SATB2: variants seen among roughly 807,000 people sequenced by gnomAD.
The protein encoded by SATB2 is DNA-binding protein SATB2.
Under a neutral mutation model 73.4 loss-of-function variants are expected in SATB2, and 1 was observed. That is an observed-to-expected ratio of 0.01 (90% CI 0.00 to 0.06). The LOEUF (loss-of-function observed/expected upper bound fraction) is 0.06. SATB2 is among the 10% of genes least tolerant of loss of function. The probability of loss-of-function intolerance (pLI) is 1.00; values close to 1 mark genes in which losing one functional copy is unlikely to be tolerated. For missense variants in SATB2, 459 were observed against 945.8 expected, an observed-to-expected ratio of 0.49 and a Z score of 6.75; for synonymous variants, 397 against 367.0, an observed-to-expected ratio of 1.08 and a Z score of -0.93.
chr2:199,415,863 T>G (rs2105908310), intron 3 of SATB2, among the ~76,000 whole-genome samples: 1 of 152,268 alleles, frequency 6.6e-6, no homozygotes, highest in South Asian at 2.1e-4. Flanking sequence ...CTTCTGCGAG[T>G]ATCCTCCAGG....
At chr2:199,383,023 C>T (rs1689825012) in intron 3 of SATB2, among the ~76,000 whole-genome samples, 1 of 152,052 alleles carries the variant, frequency 6.6e-6, no homozygotes, top group African/African-American at 2.4e-5. Context: ...CACGTCCTGT[C>T]CAAGATGAAA....
At chr2:199,323,120 T>C (rs531154458) in intron 9 of SATB2, among the ~76,000 whole-genome samples, 1 of 152,238 alleles carries the variant, frequency 6.6e-6, no homozygotes, top group African/African-American at 2.4e-5. Context: ...CCATCAACTG[T>C]TGCTGCTTTC....
chr2:199,297,724 C>G (rs1012706302), intron 10 of SATB2, among the ~76,000 whole-genome samples: 2 of 151,852 alleles, frequency 1.3e-5, no homozygotes, highest in African/African-American at 4.8e-5. Context: ...TTTGTGGATG[C>G]TAATGGGTAG....
At chr2:199,328,581 A>C in intron 8 of SATB2, 117 bp downstream of exon 8, 1 of 711,904 alleles carries the variant, frequency 1.4e-6, no homozygotes, top group Non-Finnish European at 2.3e-6. Flanking sequence ...AGAAAAGAAA[A>C]AAAGGAAAGA....
chr2:199,276,547 T>G lies in SATB2; in HGVS notation c.1741-3875A>C, dbSNP rs1574462660. On this transcript the variant is annotated intron_variant, in intron 10 of 10. Coordinates refer to ENST00000417098, the MANE Select transcript of SATB2 (RefSeq NM_001172509.2). ...CTCATTTGACAGTTTGGGCATAATT[T>G]TTTTGTTAATTAATATTTTAAGTCA... Among the ~76,000 whole-genome samples, 6 of 152,270 alleles carry G rather than the reference T, an allele frequency of 3.9e-5. 1 individual carries two copies. The highest frequency in any genetic ancestry group is 3.9e-4 in the Admixed American group (6 of 15,284).
intron 3 of SATB2, among the ~76,000 whole-genome samples, chr2:199,389,319 A>G (rs1690054311): frequency 2.0e-5 from 3 of 151,868 alleles, no homozygotes; most frequent in Admixed American, 2.0e-4. Flanking sequence ...GATTTTAAGG[A>G]CTCTCTCTAT....
chr2:199,429,901 C>T (rs1027867742), intron 3 of SATB2, among the ~76,000 whole-genome samples: 3 of 152,310 alleles, frequency 2.0e-5, no homozygotes, highest in Middle Eastern at 3.4e-3. Flanking sequence ...CAGAGCGAGA[C>T]TCCGTCTCGA....
intron 5 of SATB2, among the ~76,000 whole-genome samples, chr2:199,377,698 G>A (rs1190609521): frequency 6.6e-6 from 1 of 152,140 alleles, no homozygotes; most frequent in African/African-American, 2.4e-5. Context: ...GGTAGGGGGA[G>A]TGACTGAGGA....
At chr2:199,333,736 C>A (rs1242575689) in intron 7 of SATB2, among the ~76,000 whole-genome samples, 1 of 152,142 alleles carries the variant, frequency 6.6e-6, no homozygotes, top group African/African-American at 2.4e-5. Context: ...ATTAGATAAT[C>A]TGTTCAGCCT....
chr2:199,433,729 T>C (rs966601142), intron 2 of SATB2, among the ~76,000 whole-genome samples: 168 of 152,202 alleles, frequency 1.1e-3, no homozygotes, highest in African/African-American at 3.8e-3. Flanking sequence ...CAGAAGCCCT[T>C]AGATTCCCGT....
At chr2:199,458,625 G>C (rs1272911769), upstream of SATB2, 4 of 437,416 alleles carry the variant, frequency 9.1e-6, no homozygotes, top group Non-Finnish European at 1.8e-5. Flanking sequence ...GGCAGTCGCT[G>C]GGTGCCGCGT....
Position 199,354,080 on chromosome 2 carries a change from C to T in SATB2, c.701-4907G>A, listed in dbSNP as rs189347961. 1.9e-3 allele frequency among the ~76,000 whole-genome samples: 288 copies of T among 152,234 alleles called. 5 individuals are homozygous for T. Among genetic ancestry groups the T allele is most frequent in the Admixed American group, 0.014 (208 of 15,290 alleles). On this transcript the variant is annotated intron_variant, in intron 6 of 10. Transcript: ENST00000417098. The stretch of plus-strand genomic sequence containing the variant: ...GACAGTAAAAACACAACTGCTGGCC[C>T]GGCATGTTGGCTCATGCCTGCAATC...
chr2:199,282,874 G>A (rs1426148963), intron 10 of SATB2, among the ~76,000 whole-genome samples: 3 of 152,164 alleles, frequency 2.0e-5, no homozygotes, highest in African/African-American at 7.2e-5. Context: ...ACCTGGCACA[G>A]AAAAGTTGCC....
intron 6 of SATB2, among the ~76,000 whole-genome samples, chr2:199,362,420 T>C (rs961389817): frequency 2.2e-5 from 3 of 135,616 alleles, no homozygotes; most frequent in African/African-American, 8.4e-5. Context: ...TATGCCACCA[T>C]TACACTAGTT....
chr2:199,408,326 G>T (rs1448576098), intron 3 of SATB2, among the ~76,000 whole-genome samples: 1 of 152,058 alleles, frequency 6.6e-6, no homozygotes, highest in African/African-American at 2.4e-5. Context: ...AATTATATAT[G>T]TATACACATA....
Position 199,272,189 on chromosome 2 carries a change from C to T in SATB2, c.*22G>A, listed in dbSNP as rs767911756. 4 of 1,604,674 alleles carry T rather than the reference C, an allele frequency of 2.5e-6. No individual in the cohort carries two copies. The highest frequency in any genetic ancestry group is 3.4e-6 in the Non-Finnish European group (4 of 1,171,876). On this transcript the variant is annotated 3_prime_UTR_variant, in exon 11 of 11. Coordinates refer to ENST00000417098, the MANE Select transcript of SATB2 (RefSeq NM_001172509.2). This position sits in a 1 kb window ranked among gnomAD's most constrained non-coding sequence, Gnocchi z 6.7. ...AGAAAATCCTTGGACCGATGTATTG[C>T]TTTGCCTAGTAGAAGTTCACATTAT...
chr2:199,363,680 T>C (rs1336783575), intron 6 of SATB2, among the ~76,000 whole-genome samples: 1 of 152,214 alleles, frequency 6.6e-6, no homozygotes, highest in Non-Finnish European at 1.5e-5. Context: ...AGGTGATGAA[T>C]AGGTTAATTC....
rs1692549587 is a variant in SATB2 at position 199,464,406 on chromosome 2, C to T, written c.-141+430G>A. ...ATAAATTCAGCTGTTCACATACACC[C>T]CCACCACCATTTCCACGCGCGCGCG... On this transcript the variant is annotated intron_variant, in intron 1 of 11. Transcript: ENST00000260926. The surrounding 1 kb of genome is among the most constrained non-coding windows in gnomAD (Gnocchi z 6.6). Among the ~76,000 whole-genome samples the T allele has an allele frequency of 6.6e-6, 1 of 151,676 alleles. No individual in the cohort carries two copies. Among genetic ancestry groups the T allele is most frequent in the East Asian group, 1.9e-4 (1 of 5,144 alleles).
At chr2:199,367,090 G>A (rs1396918645) in intron 6 of SATB2, among the ~76,000 whole-genome samples, 1 of 152,114 alleles carries the variant, frequency 6.6e-6, no homozygotes, top group Non-Finnish European at 1.5e-5. Flanking sequence ...GAAGCTGCAT[G>A]ATTCTTTTGA....
Sources: gnomAD v4.1 joint callset for allele counts (sites outside exome capture counted in the v4.1 genomes callset) on GRCh38, gnomAD v4.1.1 for gene constraint, Gnocchi (gnomAD v3.1) non-coding constraint, MANE v1.5 for transcripts, NCBI Gene and HGNC (gene_info 2026-07-23, HGNC 2026-07-21) for gene names.